Variants in MATCAP2 observed in about 807,000 individuals in gnomAD.
MATCAP2 encodes the protein putative tyrosine carboxypeptidase MATCAP2.
chr7:36,330,048 T>A, the MATCAP2 span, among the ~76,000 whole-genome samples: 15 of 64,038 alleles, frequency 2.3e-4, no homozygotes, highest in East Asian at 1.5e-3. Context: ...CGATCTTTTT[T>A]TTTTTATTTT....
At chr7:36,325,011 C>T in the MATCAP2 span, 1 of 152,226 alleles carries the variant, frequency 6.6e-6, no homozygotes, top group Non-Finnish European at 1.5e-5. Flanking sequence ...AATCACAGGA[C>T]ATAAATATTG....
At chr7:36,386,249 A>G in the MATCAP2 span, among the ~76,000 whole-genome samples, 2 of 152,186 alleles carry the variant, frequency 1.3e-5, no homozygotes, top group African/African-American at 4.8e-5. Context: ...TGCTAAGACA[A>G]CTGGTTATCC....
At chr7:36,356,846 C>T in the MATCAP2 span, 1 of 1,364,520 alleles carries the variant, frequency 7.3e-7, no homozygotes, top group Non-Finnish European at 1.0e-6. Context: ...TATAAGATCA[C>T]AGATAATTGT....
the MATCAP2 span, chr7:36,325,270 C>G: frequency 2.6e-5 from 4 of 152,240 alleles, no homozygotes; most frequent in Non-Finnish European, 2.9e-5. Context: ...GGGGCTAAGG[C>G]CTTTCAATGC....
At chr7:36,353,339 A>G in the MATCAP2 span, among the ~76,000 whole-genome samples, 5 of 152,272 alleles carry the variant, frequency 3.3e-5, 1 homozygote, top group South Asian at 1.0e-3. Context: ...GCAATTGTTA[A>G]TATGTAATCT....
chr7:36,390,150 G>T, the MATCAP2 span: 1 of 1,582,590 alleles, frequency 6.3e-7, no homozygotes, highest in Non-Finnish European at 8.6e-7. Flanking sequence ...GAGGGCGCGT[G>T]TGTGCGCGCG....
At chr7:36,345,006 G>A in the MATCAP2 span, among the ~76,000 whole-genome samples, 1 of 152,162 alleles carries the variant, frequency 6.6e-6, no homozygotes. Context: ...CCAGGTCTCA[G>A]CCTCCTAGTC....
At chr7:36,365,130 T>A in the MATCAP2 span, among the ~76,000 whole-genome samples, 7 of 152,234 alleles carry the variant, frequency 4.6e-5, no homozygotes, top group Non-Finnish European at 4.4e-5. Context: ...CATGACTAAT[T>A]GATCATAGTA....
the MATCAP2 span, among the ~76,000 whole-genome samples, chr7:36,388,306 A>G: frequency 3.9e-5 from 6 of 152,082 alleles, 1 homozygote; most frequent in South Asian, 1.0e-3. Context: ...GGTTAAAAAA[A>G]AAAAAAACCC....
At chr7:36,375,319 A>T in the MATCAP2 span, among the ~76,000 whole-genome samples, 2 of 152,128 alleles carry the variant, frequency 1.3e-5, no homozygotes, top group Non-Finnish European at 2.9e-5. Context: ...CATGTGTCGA[A>T]GGCCTTTTCT....
At chr7:36,387,833 C>T in the MATCAP2 span, among the ~76,000 whole-genome samples, 2 of 152,084 alleles carry the variant, frequency 1.3e-5, no homozygotes, top group African/African-American at 4.8e-5. Flanking sequence ...GAAGGCACAA[C>T]GGCTACATAA....
chr7:36,349,975 A>T, the MATCAP2 span, among the ~76,000 whole-genome samples: 27 of 152,214 alleles, frequency 1.8e-4, no homozygotes, highest in African/African-American at 6.5e-4. Context: ...ACTAAACTCA[A>T]AATTCTAAAA....
At chr7:36,360,509 T>C in the MATCAP2 span, among the ~76,000 whole-genome samples, 122 of 152,326 alleles carry the variant, frequency 8.0e-4, 1 homozygote, top group South Asian at 0.024. Flanking sequence ...GGAGTGTTAA[T>C]GGTCTATTTA....
chr7:36,367,095 GC>G, the MATCAP2 span: 1 of 1,249,858 alleles, frequency 8.0e-7, no homozygotes, highest in East Asian at 3.3e-5. Flanking sequence ...GAGGGTAAGG[GC>G]GGACGAAGAC....
At chr7:36,350,538 T>G in the MATCAP2 span, among the ~76,000 whole-genome samples, 58,063 of 141,814 alleles carry the variant, frequency 0.41, 11,587 homozygotes, top group African/African-American at 0.48. Flanking sequence ...GTTCCTTTTT[T>G]TTTTTTTTTT....
the MATCAP2 span, among the ~76,000 whole-genome samples, chr7:36,351,704 T>TG: frequency 6.6e-6 from 1 of 152,018 alleles, no homozygotes; most frequent in Non-Finnish European, 1.5e-5. Flanking sequence ...CCCATCACTT[T>TG]GGGAGGCCGA....
At chr7:36,367,327 A>C in the MATCAP2 span, 1 of 1,002,518 alleles carries the variant, frequency 1.0e-6, no homozygotes, top group Non-Finnish European at 1.2e-6. Context: ...GGGCGGCGAG[A>C]GAGAGTGGGA....
the MATCAP2 span, chr7:36,355,853 T>C: frequency 6.6e-6 from 1 of 152,224 alleles, no homozygotes; most frequent in Admixed American, 6.5e-5. Context: ...ATCTCAAAAC[T>C]ATGCCCTGCA....
the MATCAP2 span, chr7:36,367,375 G>T: frequency 1.0e-6 from 1 of 984,154 alleles, no homozygotes; most frequent in Non-Finnish European, 1.2e-6. Context: ...GCGGGCCAGT[G>T]CCTCCGGGGC....
Sources: allele counts gnomAD v4.1 joint callset (sites outside exome capture counted in the v4.1 genomes callset), GRCh38; gene constraint gnomAD v4.1.1; transcripts MANE v1.5; gene names NCBI Gene and HGNC (gene_info 2026-07-23, HGNC 2026-07-21).